PLEKHA7: variants seen among roughly 807,000 people sequenced by gnomAD.
PLEKHA7 encodes the protein pleckstrin homology domain containing A7, also known as pleckstrin homology domain-containing family A member 7.
In PLEKHA7, 104 loss-of-function variants were observed where a neutral mutation model predicts 170.0. That is an observed-to-expected ratio of 0.61 (90% CI 0.52 to 0.72). The LOEUF is 0.72. Among genes scored for constraint, PLEKHA7 ranks in the 30% least tolerant of loss-of-function variants. The pLI is 0.00. For missense variants in PLEKHA7, 1,615 were observed against 1,671.7 expected, an observed-to-expected ratio of 0.97 and a Z score of 0.59; for synonymous variants, 648 against 660.8, an observed-to-expected ratio of 0.98 and a Z score of 0.30.
chr11:16,957,625 G>A (rs957998796), intron 3 of PLEKHA7, among the ~76,000 whole-genome samples: 1 of 150,556 alleles, frequency 6.6e-6, no homozygotes, highest in African/African-American at 2.4e-5. Flanking sequence ...TGAATGTGGT[G>A]AACACCACTG....
chr11:16,788,768 G>A, intron 23 of PLEKHA7: 1 of 425,456 alleles, frequency 2.4e-6, no homozygotes, highest in Non-Finnish European at 4.3e-6. Flanking sequence ...TCTCCTCTCT[G>A]AACCCTGTAT....
intron 3 of PLEKHA7, among the ~76,000 whole-genome samples, chr11:16,994,390 G>A (rs1419672054): frequency 6.6e-6 from 1 of 152,152 alleles, no homozygotes; most frequent in Non-Finnish European, 1.5e-5. Context: ...TTTTACAGCA[G>A]GAGTGCTGCC....
At position 16,907,547 on chromosome 11, in the gene PLEKHA7, G is replaced by A. The variant is rs1383707368; in HGVS notation, c.222-36365C>T. On this transcript the variant is annotated intron_variant, in intron 3 of 26. Coordinates refer to ENST00000531066, the MANE Select transcript of PLEKHA7 (RefSeq NM_001329630.2). Reference sequence around the variant, plus strand: ...AGCCCCCCGCCCAGCCAGCCGCCCCGTCCGGGAGGGAGGCGGGGGGGTCAG... The same window carrying A: ...AGCCCCCCGCCCAGCCAGCCGCCCCATCCGGGAGGGAGGCGGGGGGGTCAG... 4.0e-4 allele frequency among the ~76,000 whole-genome samples: 46 copies of A among 115,860 alleles called. 4 individuals carry two copies. Among genetic ancestry groups the A allele is most frequent in the Non-Finnish European group, 7.5e-4 (39 of 52,008 alleles). 76.0% of individuals were successfully genotyped at this position (115,860 alleles called of 152,430 possible). A position where few individuals can be genotyped will look rare whatever the true frequency, so the allele number is the denominator to read the frequency against.
chr11:16,898,271 A>G (rs1339558114), intron 3 of PLEKHA7, among the ~76,000 whole-genome samples: 1 of 152,162 alleles, frequency 6.6e-6, no homozygotes, highest in African/African-American at 2.4e-5. Context: ...TTCCAATTCA[A>G]TTTTCTGACT....
At position 16,830,566 on chromosome 11, in the gene PLEKHA7, T is replaced by A. The variant is rs1217417669; in HGVS notation, c.873-3976A>T. On this transcript the variant is annotated intron_variant, in intron 9 of 26. Coordinates refer to ENST00000531066, the MANE Select transcript of PLEKHA7 (RefSeq NM_001329630.2). ...GACAGTGAAACAAATATGCCACCTA[T>A]GTGTATGACATTAGAATTGAGAGGA... Among the ~76,000 whole-genome samples the A allele has an allele frequency of 2.0e-5, 3 of 152,238 alleles. No homozygotes were observed. The East Asian group carries it at 5.8e-4, about 29-fold the overall frequency.
rs746658901 is a variant in PLEKHA7, at chr11:16,816,816, C to T, written c.1850G>A (p.Arg617Gln). The T allele has an allele frequency of 6.2e-6, 10 of 1,613,920 alleles. No individual in the cohort carries two copies. In the Admixed American group the frequency reaches 8.3e-5, roughly 13 times the overall value. ...GAGCCTCACCTTGACAGCGTGGCCC[C>T]GTGCCCTCCTTGGAGAATCCCCCAG... Reference protein sequence around the residue: ...ISLGDSPRRARGHAVKNSSHV... With the variant: ...ISLGDSPRRAQGHAVKNSSHV... The change falls in exon 11 of 27, where the codon CGG becomes CAG. Residue 617 changes from arginine (R) to glutamine (Q), a missense_variant. Arg to Gln is a conservative substitution (Grantham distance 43). Coordinates refer to ENST00000531066, the MANE Select transcript of PLEKHA7 (RefSeq NM_001329630.2).
intron 3 of PLEKHA7, among the ~76,000 whole-genome samples, chr11:16,983,619 T>C (rs971205419): frequency 6.6e-6 from 1 of 152,206 alleles, no homozygotes; most frequent in Non-Finnish European, 1.5e-5. Flanking sequence ...AGTCTAGATT[T>C]GTGGAGGCCA....
intron 9 of PLEKHA7, among the ~76,000 whole-genome samples, chr11:16,830,980 T>C (rs1317822927): frequency 6.6e-6 from 1 of 152,194 alleles, no homozygotes; most frequent in Non-Finnish European, 1.5e-5. Context: ...GGAAATAAAT[T>C]TGACAGAGGA....
rs142650195 is a variant in PLEKHA7 at position 16,808,885 on chromosome 11, G to T, written c.2007+4228C>A. Among the ~76,000 whole-genome samples the T allele has an allele frequency of 2.3e-3, 343 of 152,306 alleles. 1 individual carries two copies. The highest frequency in any genetic ancestry group is 7.7e-3 in the African/African-American group (322 of 41,570). On this transcript the variant is annotated intron_variant, in intron 13 of 26. Transcript: ENST00000531066. ...TGGGCAAAGCGTGTGATGCATGGAC[G>T]AAAGAAGGCAGGTGTGAAGTCAGTT...
chr11:16,906,114 T>C (rs1228569916), intron 3 of PLEKHA7, among the ~76,000 whole-genome samples: 1 of 152,170 alleles, frequency 6.6e-6, no homozygotes, highest in African/African-American at 2.4e-5. Flanking sequence ...TGTTGTGGGC[T>C]GAACTGTGTT....
chr11:16,791,371 A>G lies in PLEKHA7; in HGVS notation c.2746-172T>C, dbSNP rs2134227906. On this transcript the variant is annotated intron_variant, in intron 19 of 26. Coordinates refer to ENST00000531066, the MANE Select transcript of PLEKHA7 (RefSeq NM_001329630.2). This position sits in a 1 kb window ranked among gnomAD's most constrained non-coding sequence, Gnocchi z 4.5. ...ACTTCCCCTGGCGGAGCAGTGAAGAAGGGACATGCTCTGCTCCTCTATCCC... is the reference window on the plus strand; with the variant it reads ...ACTTCCCCTGGCGGAGCAGTGAAGAGGGGACATGCTCTGCTCCTCTATCCC... 1 of 635,122 alleles carries G rather than the reference A, an allele frequency of 1.6e-6. No homozygotes were observed. The highest frequency in any genetic ancestry group is 1.9e-5 in the South Asian group (1 of 51,412). The allele number at this position is 635,122 out of a possible 1,614,324, so 39.3% of individuals were successfully genotyped here.
chr11:16,868,191 T>C (rs1854546186), intron 4 of PLEKHA7, among the ~76,000 whole-genome samples: 1 of 152,174 alleles, frequency 6.6e-6, no homozygotes, highest in Non-Finnish European at 1.5e-5. Context: ...AACCCTATGT[T>C]TCCTCTGTCA....
chr11:17,005,666 C>A (rs992455281), intron 3 of PLEKHA7, among the ~76,000 whole-genome samples: 1 of 152,234 alleles, frequency 6.6e-6, no homozygotes, highest in African/African-American at 2.4e-5. Context: ...ACACACTCCT[C>A]TCATGGGTAA....
chr11:16,896,222 G>T (rs904878938), intron 3 of PLEKHA7, among the ~76,000 whole-genome samples: 3 of 152,128 alleles, frequency 2.0e-5, no homozygotes, highest in Non-Finnish European at 4.4e-5. Flanking sequence ...TTCCAAAGTG[G>T]AACCCTTTGC....
At chr11:16,989,492 C>T (rs2136936644) in intron 3 of PLEKHA7, among the ~76,000 whole-genome samples, 1 of 152,314 alleles carries the variant, frequency 6.6e-6, no homozygotes, top group South Asian at 2.1e-4. Context: ...TGGTAAGTGG[C>T]TGGGTTAGGA....
At chr11:16,948,670 AC>A (rs1861212765) in intron 3 of PLEKHA7, among the ~76,000 whole-genome samples, 1 of 44,666 alleles carries the variant, frequency 2.2e-5, no homozygotes, top group African/African-American at 5.2e-5. Flanking sequence ...ACACACACAC[AC>A]ACAGACACCC....
chr11:16,801,888 G>A (rs996333633), intron 15 of PLEKHA7, 71 bp from the exon 16 acceptor site: 7 of 1,587,136 alleles, frequency 4.4e-6, no homozygotes, highest in African/African-American at 4.0e-5. Context: ...TACCACACCA[G>A]GAACCAAAGC....
At chr11:16,954,937 G>A (rs539870377) in intron 3 of PLEKHA7, among the ~76,000 whole-genome samples, 2 of 152,168 alleles carry the variant, frequency 1.3e-5, no homozygotes, top group South Asian at 2.1e-4. Context: ...TGATCCGCCC[G>A]CCTCAGCCTC....
chr11:16,925,688 CG>C (rs1248578655), intron 3 of PLEKHA7, among the ~76,000 whole-genome samples: 1 of 152,176 alleles, frequency 6.6e-6, no homozygotes, highest in African/African-American at 2.4e-5. Flanking sequence ...AGCTCGCCCG[CG>C]GCGCATCGCG....
Sources: allele counts gnomAD v4.1 joint callset (sites outside exome capture counted in the v4.1 genomes callset), GRCh38; gene constraint gnomAD v4.1.1; non-coding constraint Gnocchi (gnomAD v3.1); transcripts MANE v1.5; gene names NCBI Gene and HGNC (gene_info 2026-07-23, HGNC 2026-07-21).